Variants in ULK4 observed in about 807,000 individuals in gnomAD.
ULK4 encodes the protein inactive serine/threonine-protein kinase ULK4.
In ULK4, 133 loss-of-function variants were observed where a neutral mutation model predicts 160.6. That is an observed-to-expected ratio of 0.83 (90% CI 0.72 to 0.96). The LOEUF (loss-of-function observed/expected upper bound fraction) is 0.96, where lower values mean the gene tolerates loss of function less well. Ranked by LOEUF, ULK4 falls within the 40% of genes least tolerant of loss-of-function variation. ULK4 has a pLI of 0.00. For missense variants in ULK4, 1,580 were observed against 1,499.5 expected (o/e 1.05, Z -0.89); for synonymous variants, 534 against 539.8 (o/e 0.99, Z 0.15).
intron 35 of ULK4, among the ~76,000 whole-genome samples, chr3:41,397,389 A>C (rs1012247540): frequency 5.9e-5 from 9 of 152,152 alleles, no homozygotes; most frequent in Admixed American, 5.9e-4. Context: ...ATAATAACTA[A>C]CTACACATTG....
At chr3:41,327,983 G>A (rs2080369171) in intron 35 of ULK4, among the ~76,000 whole-genome samples, 1 of 152,156 alleles carries the variant, frequency 6.6e-6, no homozygotes, top group Non-Finnish European at 1.5e-5. Flanking sequence ...TGGAAAGAGG[G>A]ACTATACTAC....
At chr3:41,911,496 C>G (rs748717744) in intron 10 of ULK4, 45 bp downstream of exon 10, 21 of 1,593,484 alleles carry the variant, frequency 1.3e-5, no homozygotes, top group Non-Finnish European at 1.7e-5. Flanking sequence ...GGAACTCTCT[C>G]AAACAACATT....
intron 35 of ULK4, among the ~76,000 whole-genome samples, chr3:41,265,179 G>T (rs1470856901): frequency 2.6e-5 from 4 of 152,238 alleles, no homozygotes; most frequent in African/African-American, 7.2e-5. Flanking sequence ...AGGGCAGGTA[G>T]GGGACCATCT....
At chr3:41,465,236 G>A (rs1475875563) in intron 32 of ULK4, among the ~76,000 whole-genome samples, 1 of 152,066 alleles carries the variant, frequency 6.6e-6, no homozygotes, top group East Asian at 1.9e-4. Context: ...ATTTTATTAT[G>A]AAAACAAAGT....
At chr3:41,510,131 GA>G (rs753105833) in intron 32 of ULK4, among the ~76,000 whole-genome samples, 2 of 152,070 alleles carry the variant, frequency 1.3e-5, no homozygotes, top group Non-Finnish European at 2.9e-5. Context: ...TAAATAAGTA[GA>G]AAAAGATATT....
At chr3:41,561,384 G>C (rs1417966655) in intron 32 of ULK4, among the ~76,000 whole-genome samples, 4 of 152,212 alleles carry the variant, frequency 2.6e-5, no homozygotes, top group Non-Finnish European at 5.9e-5. Context: ...ATCATACAAT[G>C]AGTTAGGGAG....
chr3:41,537,589 G>T (rs1008793626), intron 32 of ULK4, among the ~76,000 whole-genome samples: 1 of 152,052 alleles, frequency 6.6e-6, no homozygotes, highest in Non-Finnish European at 1.5e-5. Context: ...TAACTCATGG[G>T]GTTCTGGTAG....
chr3:41,247,145 C>G (rs984843837), intron 36 of ULK4, among the ~76,000 whole-genome samples, 153 bp from the exon 37 acceptor site: 1 of 152,262 alleles, frequency 6.6e-6, no homozygotes, highest in Non-Finnish European at 1.5e-5. Flanking sequence ...TCCTGGCCCA[C>G]AGTCCTGGTG....
intron 19 of ULK4, among the ~76,000 whole-genome samples, chr3:41,805,507 C>A (rs867131092): frequency 6.6e-6 from 1 of 152,022 alleles, no homozygotes; most frequent in African/African-American, 2.4e-5. Context: ...CTGGCCAGAA[C>A]TTCCAACACT....
At chr3:41,582,495 G>A (rs2030449085) in intron 31 of ULK4, among the ~76,000 whole-genome samples, 1 of 152,162 alleles carries the variant, frequency 6.6e-6, no homozygotes, top group Non-Finnish European at 1.5e-5. Flanking sequence ...CATAGAGCAA[G>A]CAGAAGCAGA....
chr3:41,902,362 G>A (rs1272577737), intron 12 of ULK4, among the ~76,000 whole-genome samples: 4 of 152,078 alleles, frequency 2.6e-5, no homozygotes, highest in Non-Finnish European at 4.4e-5. Context: ...GGCACATCAC[G>A]AGGTCAGGAG....
intron 21 of ULK4, among the ~76,000 whole-genome samples, chr3:41,762,013 G>A (rs1211868436): frequency 1.3e-5 from 2 of 152,096 alleles, no homozygotes; most frequent in Non-Finnish European, 2.9e-5. Flanking sequence ...GAGCCCAGGA[G>A]GTCGAGGCTA....
chr3:41,506,107 G>C (rs1385009334), intron 32 of ULK4, among the ~76,000 whole-genome samples: 1 of 152,092 alleles, frequency 6.6e-6, no homozygotes, highest in Non-Finnish European at 1.5e-5. Flanking sequence ...CACATAAACA[G>C]TGCTTATATT....
intron 34 of ULK4, among the ~76,000 whole-genome samples, chr3:41,435,396 T>G (rs565791694): frequency 6.6e-6 from 1 of 152,286 alleles, no homozygotes; most frequent in East Asian, 1.9e-4. Flanking sequence ...AAATAACTAA[T>G]AGAAGATACA....
chr3:41,334,402 G>A (rs2080509883), intron 35 of ULK4, among the ~76,000 whole-genome samples: 2 of 152,086 alleles, frequency 1.3e-5, no homozygotes, highest in South Asian at 2.1e-4. Context: ...TGTCCCACCC[G>A]ACATCCTAGG....
chr3:41,311,066 C>T (rs113417371), intron 35 of ULK4, among the ~76,000 whole-genome samples: 3,351 of 151,940 alleles, frequency 0.022, 84 homozygotes, highest in African/African-American at 0.068. Context: ...CAAACATTAA[C>T]GCTGTGATGG....
At chr3:41,451,901 C>T (rs996105665) in intron 34 of ULK4, among the ~76,000 whole-genome samples, 4 of 152,052 alleles carry the variant, frequency 2.6e-5, no homozygotes, top group Non-Finnish European at 4.4e-5. Context: ...AGGTGGTACC[C>T]TCTTGTGTTT....
intron 32 of ULK4, among the ~76,000 whole-genome samples, chr3:41,539,625 G>A (rs2125950924): frequency 6.6e-6 from 1 of 152,284 alleles, no homozygotes; most frequent in Admixed American, 6.5e-5. Context: ...AATTGCCCCT[G>A]TGTAAGTAAG....
chr3:41,527,624 C>A (rs566276171), intron 32 of ULK4, among the ~76,000 whole-genome samples: 32 of 152,320 alleles, frequency 2.1e-4, no homozygotes, highest in African/African-American at 7.7e-4. Flanking sequence ...CCACCTAATT[C>A]TTTAATACTA....
Sources: allele counts gnomAD v4.1 joint callset (sites outside exome capture counted in the v4.1 genomes callset), GRCh38; gene constraint gnomAD v4.1.1; transcripts MANE v1.5; gene names NCBI Gene and HGNC (gene_info 2026-07-23, HGNC 2026-07-21).